HUNK: variants seen among roughly 807,000 people sequenced by gnomAD.
HUNK encodes the protein hormonally up-regulated neu tumor-associated kinase.
A neutral mutation model predicts 61.0 loss-of-function variants in HUNK; 21 were observed. The ratio of observed to expected loss-of-function variants is 0.34; its 90% CI spans 0.24 to 0.50. HUNK has a LOEUF of 0.50. Among genes scored for constraint, HUNK ranks in the 20% least tolerant of loss-of-function variants. The pLI is 0.98. For missense variants in HUNK, 772 were observed against 945.7 expected (o/e 0.82, Z 2.41); for synonymous variants, 371 against 386.1 (o/e 0.96, Z 0.46).
intron 1 of HUNK, among the ~76,000 whole-genome samples, chr21:31,909,518 TA>T (rs746224431): frequency 3.9e-5 from 6 of 152,212 alleles, no homozygotes; most frequent in Non-Finnish European, 5.9e-5. Flanking sequence ...AGATCAGTCC[TA>T]ATGAGCTTTG....
chr21:31,915,975 G>C (rs933428535), intron 1 of HUNK, among the ~76,000 whole-genome samples: 1 of 151,174 alleles, frequency 6.6e-6, no homozygotes, highest in Non-Finnish European at 1.5e-5. Flanking sequence ...AAAGTAAATT[G>C]GTAATGATAA....
At chr21:31,983,652 G>A (rs1467881280) in intron 8 of HUNK, 43 bp downstream of exon 8, 1 of 1,393,940 alleles carries the variant, frequency 7.2e-7, no homozygotes, top group Admixed American at 1.8e-5. Context: ...CTTAGGAAGG[G>A]TGGATTTCCA....
Position 32,001,294 on chromosome 21 carries a change from C to T in HUNK, c.*2110C>T, listed in dbSNP as rs9975199. 14,405 of 151,994 alleles carry T rather than the reference C, an allele frequency of 0.095. 956 individuals are homozygous for T. The highest frequency in any genetic ancestry group is 0.15 in the Non-Finnish European group (9,995 of 67,952). The allele number at this position is 151,994 out of a possible 1,614,324, so 9.4% of individuals were successfully genotyped here. A position where few individuals can be genotyped will look rare whatever the true frequency, so the allele number is the denominator to read the frequency against. ...CTGTCTCCAAAAAAAGAAAATAGAG[C>T]TTTATAAGCAGAGAGAAGAAAATAA... On this transcript the variant is annotated 3_prime_UTR_variant, in exon 11 of 11. Transcript: ENST00000270112.
intron 2 of HUNK, among the ~76,000 whole-genome samples, chr21:31,936,489 C>T (rs1383247693): frequency 6.6e-6 from 1 of 152,160 alleles, no homozygotes; most frequent in Non-Finnish European, 1.5e-5. Context: ...AGCCATGGAA[C>T]CTTTAAGCAG....
chr21:31,990,517 C>CTTTATTTATTTATTTATTTA (rs3056170), intron 9 of HUNK, among the ~76,000 whole-genome samples: 1 of 142,848 alleles, frequency 7.0e-6, no homozygotes, highest in Admixed American at 7.1e-5. Context: ...ATGTTAATCA[C>CTTTATTTATTTATTTATTTA]TTTATTTATT....
chr21:31,983,000 G>T (rs539856585), intron 7 of HUNK, among the ~76,000 whole-genome samples: 63 of 152,084 alleles, frequency 4.1e-4, no homozygotes, highest in African/African-American at 1.4e-3. Flanking sequence ...ACAGGGTTTC[G>T]CCACGTTGGC....
chr21:32,003,310 C>CT lies in HUNK; in HGVS notation c.*4127dup, dbSNP rs2053258300. Reference sequence around the variant, plus strand: ...GGAAAGACAGCTTTCTTTGGGAACTCTGTCTTTCTCAGTTGACTTCCCAAG... The same window carrying CT: ...GGAAAGACAGCTTTCTTTGGGAACTCTTGTCTTTCTCAGTTGACTTCCCAAG... On this transcript the variant is annotated 3_prime_UTR_variant, in exon 11 of 11. Coordinates refer to ENST00000270112, the MANE Select transcript of HUNK (RefSeq NM_014586.2). 6.6e-6 allele frequency: 1 copy of CT among 152,206 alleles called. No homozygotes were observed. The highest frequency in any genetic ancestry group is 2.1e-4 in the South Asian group (1 of 4,822). 9.4% of individuals were successfully genotyped at this position (152,206 alleles called of 1,614,324 possible).
At chr21:31,951,846 G>A (rs1420844073) in intron 4 of HUNK, among the ~76,000 whole-genome samples, 1 of 152,178 alleles carries the variant, frequency 6.6e-6, no homozygotes, top group Non-Finnish European at 1.5e-5. Flanking sequence ...ACTGGCAGGG[G>A]TCAAATACAG....
At chr21:31,912,051 G>A (rs1011557433) in intron 1 of HUNK, among the ~76,000 whole-genome samples, 3 of 152,152 alleles carry the variant, frequency 2.0e-5, no homozygotes, top group Non-Finnish European at 2.9e-5. Context: ...TCAGTTGTAC[G>A]GCTGCTGTCT....
chr21:31,881,642 C>T (rs750229618), intron 1 of HUNK, among the ~76,000 whole-genome samples: 6 of 152,050 alleles, frequency 3.9e-5, no homozygotes, highest in Non-Finnish European at 8.8e-5. Context: ...GCAGCAACAA[C>T]AACAACAACA....
At chr21:31,934,482 T>G (rs1483982744) in intron 2 of HUNK, among the ~76,000 whole-genome samples, 1 of 151,196 alleles carries the variant, frequency 6.6e-6, no homozygotes, top group Non-Finnish European at 1.5e-5. Flanking sequence ...CACTGAAACC[T>G]TATGAAGAAA....
chr21:31,892,188 G>T (rs939168751), intron 1 of HUNK, among the ~76,000 whole-genome samples: 1,796 of 118,218 alleles, frequency 0.015, 11 homozygotes, highest in African/African-American at 0.024. Context: ...TATAGAGAGA[G>T]AGAGAGAGAG....
At chr21:31,949,113 A>G (rs2052830981) in intron 4 of HUNK, among the ~76,000 whole-genome samples, 1 of 152,190 alleles carries the variant, frequency 6.6e-6, no homozygotes, top group South Asian at 2.1e-4. Flanking sequence ...CACGAGCCCG[A>G]ATGTAGTGGA....
At chr21:31,921,121 T>A (rs892706394) in intron 1 of HUNK, among the ~76,000 whole-genome samples, 3 of 128,104 alleles carry the variant, frequency 2.3e-5, no homozygotes, top group African/African-American at 9.5e-5. Flanking sequence ...TGCCACTGCA[T>A]TCCAGCCTGG....
At chr21:31,937,829 G>C (rs561461493) in intron 2 of HUNK, among the ~76,000 whole-genome samples, 2 of 152,348 alleles carry the variant, frequency 1.3e-5, no homozygotes, top group South Asian at 4.1e-4. Flanking sequence ...AAGTCTTCCT[G>C]TTGGAAAAGC....
At chr21:31,919,500 C>T (rs999419786) in intron 1 of HUNK, among the ~76,000 whole-genome samples, 2 of 152,148 alleles carry the variant, frequency 1.3e-5, no homozygotes, top group Non-Finnish European at 2.9e-5. Flanking sequence ...TGTAATCGTA[C>T]GGCTGTGATA....
chr21:31,918,892 C>A (rs1022526399), intron 1 of HUNK, among the ~76,000 whole-genome samples: 2 of 152,168 alleles, frequency 1.3e-5, no homozygotes, highest in African/African-American at 4.8e-5. Flanking sequence ...CCACACTGGG[C>A]CTGCTTCACG....
chr21:31,979,511 CATTCTTTTTT>C (rs1253455165), intron 7 of HUNK, among the ~76,000 whole-genome samples: 15 of 88,436 alleles, frequency 1.7e-4, no homozygotes, highest in Non-Finnish European at 2.5e-4. Context: ...GAGTTGTTTG[CATTCTTTTTT>C]TTTTTTTTTT....
chr21:31,874,016 G>A (rs2052237875), intron 1 of HUNK, 81 bp downstream of exon 1: 5 of 1,141,764 alleles, frequency 4.4e-6, no homozygotes, highest in Non-Finnish European at 5.8e-6. Context: ...ACTGCACTGG[G>A]AGTCCCAGTG....
Sources: gnomAD v4.1 joint callset for allele counts (sites outside exome capture counted in the v4.1 genomes callset) on GRCh38, gnomAD v4.1.1 for gene constraint, MANE v1.5 for transcripts, NCBI Gene and HGNC (gene_info 2026-07-23, HGNC 2026-07-21) for gene names.